SPTBN1: variants seen among roughly 807,000 people sequenced by gnomAD.
The protein encoded by SPTBN1 is spectrin beta, non-erythrocytic 1, also known as spectrin beta chain, non-erythrocytic 1.
Under a neutral mutation model 266.4 loss-of-function variants are expected in SPTBN1, and 32 were observed. The ratio of observed to expected loss-of-function variants is 0.12; its 90% CI spans 0.09 to 0.16. The LOEUF is 0.16. SPTBN1 is among the 10% of genes least tolerant of loss of function. SPTBN1 has a pLI of 1.00. For missense variants in SPTBN1, 2,296 were observed against 3,067.1 expected, an observed-to-expected ratio of 0.75 and a Z score of 5.94; for synonymous variants, 1,336 against 1,162.2, an observed-to-expected ratio of 1.15 and a Z score of -3.04.
At chr2:54,469,008 T>C (rs544999929) in intron 1 of SPTBN1, among the ~76,000 whole-genome samples, 7 of 152,212 alleles carry the variant, frequency 4.6e-5, no homozygotes, top group Admixed American at 2.6e-4. Context: ...CTCAGCTTTC[T>C]TGGGGTCTTT....
chr2:54,529,266 C>T (rs955263638), intron 2 of SPTBN1: 17 of 418,636 alleles, frequency 4.1e-5, no homozygotes, highest in Middle Eastern at 3.6e-4. Context: ...TCATCTGGAC[C>T]GAGCTAAAGT....
At chr2:54,465,250 A>G (rs979194136) in intron 1 of SPTBN1, among the ~76,000 whole-genome samples, 1 of 152,184 alleles carries the variant, frequency 6.6e-6, no homozygotes, top group Non-Finnish European at 1.5e-5. Context: ...TAACCTAGGC[A>G]GCTTGAAAAG....
intron 10 of SPTBN1, 29 bp from the exon 11 acceptor site, chr2:54,624,775 T>G (rs1259744367): frequency 6.2e-7 from 1 of 1,604,014 alleles, no homozygotes; most frequent in Admixed American, 1.7e-5. Flanking sequence ...AAACTGTGTT[T>G]GTGTGTGTGT....
chr2:54,545,026 G>A (rs559384078), intron 2 of SPTBN1, among the ~76,000 whole-genome samples: 2 of 152,260 alleles, frequency 1.3e-5, no homozygotes, highest in South Asian at 4.1e-4. Context: ...AACAAGCGGT[G>A]TTTGGTTTTC....
chr2:54,656,905 A>T (rs1311879029), intron 29 of SPTBN1, among the ~76,000 whole-genome samples: 2 of 152,196 alleles, frequency 1.3e-5, no homozygotes, highest in African/African-American at 4.8e-5. Context: ...ACACAGTGAT[A>T]TGCACAGTCC....
Position 54,645,337 on chromosome 2 carries a change from C to T in SPTBN1, c.4378C>T (p.Arg1460Cys), listed in dbSNP as rs1259472250. ...GKSTDEVDSK[R>C]LTVQTKFMEL... ...GAGCACCGACGAGGTAGACAGCAAGCGCCTCACCGTGCAGACCAAGTTCAT... is the reference window on the plus strand; with the variant it reads ...GAGCACCGACGAGGTAGACAGCAAGTGCCTCACCGTGCAGACCAAGTTCAT... Residue 1460 changes from arginine to cysteine, a missense_variant, in exon 21 of 36, where the codon CGC becomes TGC. Arg to Cys is a radical substitution (Grantham distance 180). This residue lies in a region of SPTBN1 where 386 missense variants were observed against 486.1 expected (regional missense o/e 0.79). Transcript: ENST00000356805. The surrounding 1 kb of genome is among the most constrained non-coding windows in gnomAD (Gnocchi z 4.3). 10 of 1,614,072 alleles carry T rather than the reference C, an allele frequency of 6.2e-6. No individual in the cohort carries two copies. The highest frequency in any genetic ancestry group is 4.0e-5 in the African/African-American group (3 of 74,926).
intron 2 of SPTBN1, among the ~76,000 whole-genome samples, chr2:54,551,574 G>A (rs925886427): frequency 3.9e-5 from 6 of 152,198 alleles, no homozygotes; most frequent in Admixed American, 1.3e-4. Context: ...GTAACTTGCC[G>A]TTTTTCTCCT....
intron 2 of SPTBN1, chr2:54,529,406 G>T (rs746773453): frequency 5.8e-6 from 4 of 695,438 alleles, no homozygotes; most frequent in Non-Finnish European, 1.1e-5. Flanking sequence ...CAAAGCAAAG[G>T]CTTTAAAGGC....
chr2:54,574,239 T>C (rs955793881), intron 2 of SPTBN1, among the ~76,000 whole-genome samples: 5 of 152,124 alleles, frequency 3.3e-5, no homozygotes, highest in Non-Finnish European at 1.5e-5. Context: ...TATCTCTGTT[T>C]ACAGATGAGG....
At chr2:54,638,492 A>G (rs971994491) in intron 18 of SPTBN1, among the ~76,000 whole-genome samples, 1 of 152,278 alleles carries the variant, frequency 6.6e-6, no homozygotes, top group Non-Finnish European at 1.5e-5. Context: ...GATTCCAAGC[A>G]CCAAGTTTTA....
rs1369214010 is a variant in SPTBN1, at chr2:54,629,576, T to C, written c.2442T>C (p.His814=). The part of the protein sequence containing the change: ...HEQASALPQE[H]AESPDVRGRL... ...AAGCCAGCGCCCTCCCCCAGGAGCA[T>C]GCCGAGTCTCCAGACGTGAGGGGCA... The change falls in exon 14 of 36, where the codon CAT becomes CAC. Residue 814 remains histidine, a synonymous_variant. Coordinates refer to ENST00000356805, the MANE Select transcript of SPTBN1 (RefSeq NM_003128.3). 6.2e-7 allele frequency: 1 copy of C among 1,613,944 alleles called. No homozygotes were observed. Among genetic ancestry groups the C allele is most frequent in the East Asian group, 2.2e-5 (1 of 44,890 alleles).
chr2:54,617,723 G>A lies in SPTBN1; in HGVS notation c.647+35G>A, dbSNP rs759893478. ...TACAAATCATCCTAGCAATCGTGGG[G>A]TAAAAGGTTGCTGTCCTTCCATAGC... is the stretch of plus-strand genomic sequence containing the variant. On this transcript the variant is annotated intron_variant, in intron 6 of 35. Transcript: ENST00000356805. The A allele has an allele frequency of 1.1e-5, 18 of 1,600,778 alleles. No homozygotes were observed. The Admixed American group carries it at 2.7e-4, about 24-fold the overall frequency.
intron 2 of SPTBN1, among the ~76,000 whole-genome samples, chr2:54,588,332 C>G (rs892160129): frequency 1.3e-5 from 2 of 151,630 alleles, no homozygotes; most frequent in Middle Eastern, 3.2e-3. Flanking sequence ...AAGGAACTGA[C>G]CAGACATGGA....
At chr2:54,651,447 A>G (rs374723981) in intron 26 of SPTBN1, among the ~76,000 whole-genome samples, 2 of 152,218 alleles carry the variant, frequency 1.3e-5, no homozygotes, top group African/African-American at 4.8e-5. Flanking sequence ...TTTTCACAGA[A>G]TAACAGAGCA....
At chr2:54,616,900 G>A (rs1415025895) in intron 5 of SPTBN1, among the ~76,000 whole-genome samples, 1 of 152,186 alleles carries the variant, frequency 6.6e-6, no homozygotes, top group Non-Finnish European at 1.5e-5. Context: ...TACTTTAGGT[G>A]TAGATGTAAC....
Position 54,558,927 on chromosome 2 carries a change from A to G in SPTBN1, c.148+32361A>G, listed in dbSNP as rs369530684. 1 of 1,596,802 alleles carries G rather than the reference A, an allele frequency of 6.3e-7. No homozygotes were observed. Among genetic ancestry groups the G allele is most frequent in the African/African-American group, 1.3e-5 (1 of 74,352 alleles). On this transcript the variant is annotated intron_variant, in intron 2 of 35. Coordinates refer to ENST00000356805, the MANE Select transcript of SPTBN1 (RefSeq NM_003128.3). This position sits in a 1 kb window ranked among gnomAD's most constrained non-coding sequence, Gnocchi z 4.6. ...AAAGGCCGGGCCTGTCCTGGGTGCC[A>G]ACGGGGGTTCTTGGAGGCTTTATTT... is the stretch of plus-strand genomic sequence containing the variant.
At chr2:54,589,862 G>C (rs750699271) in intron 2 of SPTBN1, among the ~76,000 whole-genome samples, 30 of 152,142 alleles carry the variant, frequency 2.0e-4, no homozygotes, top group Non-Finnish European at 2.8e-4. Context: ...CATATAGGGG[G>C]ACTCCACCCT....
chr2:54,574,053 A>G (rs1674285185), intron 2 of SPTBN1, among the ~76,000 whole-genome samples: 1 of 152,084 alleles, frequency 6.6e-6, no homozygotes, highest in African/African-American at 2.4e-5. Context: ...GGGGGACACA[A>G]ATGTTGGGGT....
chr2:54,474,675 T>C (rs1176905081), intron 1 of SPTBN1, among the ~76,000 whole-genome samples: 1 of 152,148 alleles, frequency 6.6e-6, no homozygotes, highest in Non-Finnish European at 1.5e-5. Context: ...CACAAGATTA[T>C]ATAAATGGAA....
Sources: gnomAD v4.1 joint callset for allele counts (sites outside exome capture counted in the v4.1 genomes callset) on GRCh38, gnomAD v4.1.1 for gene constraint, gnomAD v4.1.1 regional missense constraint, Gnocchi (gnomAD v3.1) non-coding constraint, MANE v1.5 for transcripts, NCBI Gene and HGNC (gene_info 2026-07-23, HGNC 2026-07-21) for gene names.